The following YWHAE variants were observed in gnomAD, a reference collection of about 807,000 sequenced individuals.
The protein encoded by YWHAE is tyrosine 3-monooxygenase/tryptophan 5-monooxygenase activation protein epsilon.
A neutral mutation model predicts 30.1 loss-of-function variants in YWHAE; 4 were observed. The ratio of observed to expected loss-of-function variants is 0.13; its 90% CI spans 0.07 to 0.30. The LOEUF (loss-of-function observed/expected upper bound fraction) is 0.30. Among genes scored for constraint, YWHAE ranks in the 10% least tolerant of loss-of-function variants. The pLI, the probability that YWHAE is intolerant of heterozygous loss-of-function variation, is 1.00. For synonymous variants in YWHAE, 118 were observed against 111.8 expected, an observed-to-expected ratio of 1.06 and a Z score of -0.35; for missense variants, 121 against 315.9, an observed-to-expected ratio of 0.38 and a Z score of 4.68.
chr17:1,376,408 GA>G (rs775941257), intron 1 of YWHAE, among the ~76,000 whole-genome samples: 4 of 151,874 alleles, frequency 2.6e-5, no homozygotes, highest in Admixed American at 6.6e-5. Context: ...GAGAAAGAAA[GA>G]AAAGAAAAGA....
intron 4 of YWHAE, among the ~76,000 whole-genome samples, chr17:1,357,259 C>T (rs1289161592): frequency 3.9e-5 from 6 of 151,992 alleles, no homozygotes; most frequent in Non-Finnish European, 5.9e-5. Context: ...AAAAATTAGC[C>T]GGGCGTGGTG....
At chr17:1,361,624 T>G (rs1374199115) in intron 3 of YWHAE, 1 of 420,930 alleles carries the variant, frequency 2.4e-6, no homozygotes, top group Non-Finnish European at 4.2e-6. Context: ...TTATTAATCA[T>G]AAAATAAAAT....
At chr17:1,388,976 T>C (rs1028271054) in intron 1 of YWHAE, among the ~76,000 whole-genome samples, 1 of 152,156 alleles carries the variant, frequency 6.6e-6, no homozygotes, top group Non-Finnish European at 1.5e-5. Context: ...CTTTCTCCTT[T>C]CCTTTTTGAG....
At chr17:1,372,394 T>C (rs1165357460) in intron 1 of YWHAE, among the ~76,000 whole-genome samples, 1 of 152,272 alleles carries the variant, frequency 6.6e-6, no homozygotes, top group Non-Finnish European at 1.5e-5. Flanking sequence ...CTGTGTTCAC[T>C]GGACTAGCAC....
At chr17:1,347,455 C>T (rs1011233545) in intron 5 of YWHAE, among the ~76,000 whole-genome samples, 8 of 151,326 alleles carry the variant, frequency 5.3e-5, no homozygotes, top group African/African-American at 1.7e-4. Context: ...GCACTCCAGG[C>T]GGGGCAACAA....
intron 1 of YWHAE, among the ~76,000 whole-genome samples, chr17:1,379,359 C>T (rs982343347): frequency 6.6e-6 from 1 of 152,106 alleles, no homozygotes; most frequent in Non-Finnish European, 1.5e-5. Context: ...GTGGCACACA[C>T]CTATAGTCCC....
At chr17:1,356,919 A>C (rs1310906292) in intron 4 of YWHAE, among the ~76,000 whole-genome samples, 1 of 152,044 alleles carries the variant, frequency 6.6e-6, no homozygotes, top group East Asian at 1.9e-4. Flanking sequence ...CTTTCACTTA[A>C]AAACCCTACT....
At chr17:1,389,745 T>C (rs1037943395) in intron 1 of YWHAE, among the ~76,000 whole-genome samples, 1 of 152,028 alleles carries the variant, frequency 6.6e-6, no homozygotes, top group African/African-American at 2.4e-5. Flanking sequence ...TTAGCCAGGA[T>C]GGTCTCAATC....
intron 4 of YWHAE, among the ~76,000 whole-genome samples, chr17:1,356,751 G>C (rs1278325886): frequency 6.7e-6 from 1 of 150,308 alleles, no homozygotes; most frequent in Non-Finnish European, 1.5e-5. Context: ...CTGAGGTCAG[G>C]AGTTCGAGAC....
intron 1 of YWHAE, among the ~76,000 whole-genome samples, chr17:1,389,715 A>G (rs2073360625): frequency 6.6e-6 from 1 of 150,998 alleles, no homozygotes; most frequent in Non-Finnish European, 1.5e-5. Flanking sequence ...TATTTTTAGT[A>G]GAGACAGGGT....
Position 1,364,667 on chromosome 17 carries a change from T to G in YWHAE, c.264+192A>C. 4.4e-6 allele frequency: 3 copies of G among 677,130 alleles called. No homozygotes were observed. In the South Asian group the frequency reaches 5.8e-5, roughly 13 times the overall value. 41.9% of individuals were successfully genotyped at this position (677,130 alleles called of 1,614,324 possible). A position where few individuals can be genotyped will look rare whatever the true frequency, so the allele number is the denominator to read the frequency against. On this transcript the variant is annotated intron_variant, in intron 2 of 5. Transcript: ENST00000264335. ...ATACCAAACCTGATACAGACTATGT[T>G]TTGTCCTCATGCATAGCCACGGGTA...
chr17:1,355,081 G>A (rs1233512282), intron 4 of YWHAE, among the ~76,000 whole-genome samples: 1 of 106,344 alleles, frequency 9.4e-6, no homozygotes, highest in African/African-American at 3.6e-5. Context: ...GAGTGGCTGG[G>A]ACAAACGGTA....
At chr17:1,391,206 G>A (rs528916169) in intron 1 of YWHAE, among the ~76,000 whole-genome samples, 19 of 152,070 alleles carry the variant, frequency 1.2e-4, no homozygotes, top group Non-Finnish European at 2.6e-4. Flanking sequence ...TAACTAGCAC[G>A]TTCCCATTTG....
intron 5 of YWHAE, 58 bp downstream of exon 5, chr17:1,354,153 G>C: frequency 6.3e-7 from 1 of 1,589,708 alleles, no homozygotes; most frequent in Non-Finnish European, 8.6e-7. Flanking sequence ...TGTCTAAAGA[G>C]AGTACAAACA....
intron 1 of YWHAE, among the ~76,000 whole-genome samples, chr17:1,395,419 C>A (rs2150880597): frequency 6.6e-6 from 1 of 152,188 alleles, no homozygotes; most frequent in South Asian, 2.1e-4. Flanking sequence ...GTCCCAGCTA[C>A]TTGGGAGGCT....
intron 1 of YWHAE, chr17:1,399,013 G>A (rs2073519059): frequency 6.6e-6 from 1 of 152,186 alleles, no homozygotes; most frequent in Non-Finnish European, 1.5e-5. Flanking sequence ...CCAGCATTCC[G>A]AGCCTGCAGA....
chr17:1,373,728 G>A (rs2073080963), intron 1 of YWHAE, among the ~76,000 whole-genome samples: 1 of 151,786 alleles, frequency 6.6e-6, no homozygotes, highest in Admixed American at 6.6e-5. Flanking sequence ...ACAGAGACAA[G>A]AAGTGAGCAC....
intron 2 of YWHAE, among the ~76,000 whole-genome samples, chr17:1,362,268 C>G (rs1001693673): frequency 6.6e-6 from 1 of 152,096 alleles, no homozygotes; most frequent in African/African-American, 2.4e-5. Context: ...CCCCACACCC[C>G]CTTCACAGTA....
intron 5 of YWHAE, among the ~76,000 whole-genome samples, chr17:1,345,885 C>G (rs555709491): frequency 6.6e-6 from 1 of 152,286 alleles, no homozygotes; most frequent in South Asian, 2.1e-4. Flanking sequence ...ATTTTGCAAA[C>G]TTTTTGCAAA....
Sources: gnomAD v4.1 joint callset for allele counts (sites outside exome capture counted in the v4.1 genomes callset) on GRCh38, gnomAD v4.1.1 for gene constraint, MANE v1.5 for transcripts, NCBI Gene and HGNC (gene_info 2026-07-23, HGNC 2026-07-21) for gene names.